The following NT5C2 variants were observed in gnomAD, a reference collection of about 807,000 sequenced individuals.
The protein encoded by NT5C2 is cytosolic purine 5'-nucleotidase.
A neutral mutation model predicts 76.1 loss-of-function variants in NT5C2; 58 were observed. That is an observed-to-expected ratio of 0.76 (90% CI 0.62 to 0.95). NT5C2 has a LOEUF of 0.95. Ranked by LOEUF, NT5C2 falls within the 40% of genes least tolerant of loss-of-function variation. NT5C2 has a pLI of 0.00. For missense variants in NT5C2, 478 were observed against 690.3 expected (o/e 0.69, Z 3.45); for synonymous variants, 229 against 237.4 (o/e 0.96, Z 0.32).
intron 3 of NT5C2, among the ~76,000 whole-genome samples, chr10:103,168,275 A>C (rs893672815): frequency 2.0e-5 from 3 of 152,230 alleles, no homozygotes; most frequent in African/African-American, 7.2e-5. Context: ...TGATAAAACC[A>C]CTGCTAAATT....
chr10:103,152,206 C>G (rs557648290), intron 3 of NT5C2, among the ~76,000 whole-genome samples: 2 of 152,256 alleles, frequency 1.3e-5, no homozygotes, highest in Admixed American at 6.5e-5. Context: ...TATCTATAGC[C>G]AGTGGTAGAA....
intron 3 of NT5C2, among the ~76,000 whole-genome samples, chr10:103,173,652 C>A (rs181038164): frequency 3.4e-5 from 5 of 149,216 alleles, no homozygotes; most frequent in African/African-American, 1.2e-4. Flanking sequence ...CTTGGCCGGG[C>A]GCAGTGGCTC....
At chr10:103,095,001 C>A (rs2067852591) in intron 12 of NT5C2, among the ~76,000 whole-genome samples, 1 of 124,974 alleles carries the variant, frequency 8.0e-6, no homozygotes, top group East Asian at 2.9e-4. Context: ...TCATCTACTA[C>A]TAAATTACAA....
chr10:103,117,573 G>C (rs2074641754), intron 4 of NT5C2, among the ~76,000 whole-genome samples: 5 of 152,218 alleles, frequency 3.3e-5, no homozygotes, highest in African/African-American at 1.2e-4. Context: ...CTTGAGCCCA[G>C]TAGTTCAAGG....
intron 3 of NT5C2, among the ~76,000 whole-genome samples, chr10:103,154,207 G>T (rs2082908576): frequency 6.6e-6 from 1 of 152,098 alleles, no homozygotes; most frequent in Non-Finnish European, 1.5e-5. Context: ...CCTCCTCACG[G>T]TGATTCAAAT....
chr10:103,105,811 A>G lies in NT5C2; in HGVS notation c.294-10T>C, dbSNP rs1442624728. On this transcript the variant is annotated splice_polypyrimidine_tract_variant and intron_variant, in intron 5 of 18. Coordinates refer to ENST00000404739, the MANE Select transcript of NT5C2 (RefSeq NM_001351169.2). ...GTCAAAGACAAGTCCCCTATGTGAA[A>G]ATGAAGACATTATTGATAATGCAAA... is the stretch of plus-strand genomic sequence containing the variant. 1.3e-6 allele frequency: 2 copies of G among 1,583,254 alleles called. No homozygotes were observed. Among genetic ancestry groups the G allele is most frequent in the Non-Finnish European group, 1.7e-6 (2 of 1,152,636 alleles).
intron 6 of NT5C2, among the ~76,000 whole-genome samples, chr10:103,101,590 A>G (rs1381864510): frequency 6.6e-6 from 1 of 151,630 alleles, no homozygotes; most frequent in Non-Finnish European, 1.5e-5. Context: ...TGCTCAAGCA[A>G]TCTTCCCACC....
intron 4 of NT5C2, among the ~76,000 whole-genome samples, chr10:103,115,858 G>A (rs2074223886): frequency 6.6e-6 from 1 of 151,866 alleles, no homozygotes; most frequent in Non-Finnish European, 1.5e-5. Flanking sequence ...AAAAATAATA[G>A]TATTGAGGGT....
chr10:103,146,302 A>T, intron 3 of NT5C2: 1 of 985,410 alleles, frequency 1.0e-6, no homozygotes, highest in South Asian at 4.7e-5. Context: ...GGCAATGGTG[A>T]ACTTTATCTG....
In NT5C2 at chr10:103,105,894, T is replaced by G. The variant is rs1021870875; in HGVS notation, c.294-93A>C. ...TTAATCATCATGAACCAACCTCATTTAATTCAAGCTTTGTACCAACTCAAA... is the reference window on the plus strand; with the variant it reads ...TTAATCATCATGAACCAACCTCATTGAATTCAAGCTTTGTACCAACTCAAA... On this transcript the variant is annotated intron_variant, in intron 5 of 18. Transcript: ENST00000404739. 4.9e-6 allele frequency: 4 copies of G among 817,204 alleles called. No individual in the cohort carries two copies. In the African/African-American group the frequency reaches 6.8e-5, roughly 14 times the overall value. The allele number at this position is 817,204 out of a possible 1,614,324, so 50.6% of individuals were successfully genotyped here.
At chr10:103,191,130 A>G (rs2092603654) in intron 1 of NT5C2, among the ~76,000 whole-genome samples, 1 of 152,212 alleles carries the variant, frequency 6.6e-6, no homozygotes. Flanking sequence ...CAGTGGCTCA[A>G]GCCTGTAATC....
At chr10:103,148,790 G>C (rs2081946313) in intron 3 of NT5C2, among the ~76,000 whole-genome samples, 1 of 152,014 alleles carries the variant, frequency 6.6e-6, no homozygotes, top group Non-Finnish European at 1.5e-5. Context: ...TCAGTATGGA[G>C]ACATACATGG....
At chr10:103,093,745 TAA>T in intron 14 of NT5C2, 1 of 452,702 alleles carries the variant, frequency 2.2e-6, no homozygotes, top group Non-Finnish European at 4.0e-6. Flanking sequence ...CAATAGGATT[TAA>T]AAAAAAAACT....
intron 3 of NT5C2, 52 bp downstream of exon 3, chr10:103,174,806 G>T: frequency 8.9e-7 from 1 of 1,124,054 alleles, no homozygotes; most frequent in Non-Finnish European, 1.4e-6. Flanking sequence ...TCTGTAAAAT[G>T]AAGTCCCACT....
chr10:103,108,829 C>T (rs1019902921), intron 4 of NT5C2, among the ~76,000 whole-genome samples: 2 of 151,994 alleles, frequency 1.3e-5, no homozygotes, highest in African/African-American at 4.8e-5. Flanking sequence ...AATGCCAATG[C>T]TAACCCTGGC....
chr10:103,098,264 T>G (rs1488244374), intron 10 of NT5C2: 4 of 298,976 alleles, frequency 1.3e-5, no homozygotes, highest in Non-Finnish European at 2.5e-5. Context: ...ATGAAAAGTA[T>G]GAAATTAACA....
intron 10 of NT5C2, among the ~76,000 whole-genome samples, chr10:103,097,771 T>C (rs2068566015): frequency 2.0e-5 from 3 of 152,350 alleles, no homozygotes; most frequent in South Asian, 4.1e-4. Flanking sequence ...TTATTAGATA[T>C]GGCTTTCAGT....
At chr10:103,193,093 T>C (rs1324851315) in intron 1 of NT5C2, 143 bp downstream of exon 1, 1 of 136,006 alleles carries the variant, frequency 7.4e-6, no homozygotes, top group Non-Finnish European at 1.6e-5. Context: ...AGAGGGGCCT[T>C]GGGGCCATGG....
intron 3 of NT5C2, among the ~76,000 whole-genome samples, chr10:103,166,377 C>G (rs2086387430): frequency 6.6e-6 from 1 of 152,020 alleles, no homozygotes; most frequent in African/African-American, 2.4e-5. Flanking sequence ...AGAAATGGAA[C>G]CATACAGAGT....
Sources: allele counts gnomAD v4.1 joint callset (sites outside exome capture counted in the v4.1 genomes callset), GRCh38; gene constraint gnomAD v4.1.1; transcripts MANE v1.5; gene names NCBI Gene and HGNC (gene_info 2026-07-23, HGNC 2026-07-21).